CDC14A: variants seen among roughly 807,000 people sequenced by gnomAD.
The protein encoded by CDC14A is dual specificity protein phosphatase CDC14A.
Under a neutral mutation model 74.4 loss-of-function variants are expected in CDC14A, and 53 were observed. The ratio of observed to expected loss-of-function variants is 0.71; its 90% CI spans 0.57 to 0.89. CDC14A has a LOEUF of 0.89. CDC14A is among the 40% of genes least tolerant of loss of function. The pLI, the probability that CDC14A is intolerant of heterozygous loss-of-function variation, is 0.00. For missense variants in CDC14A, 646 were observed against 713.7 expected (o/e 0.91, Z 1.08); for synonymous variants, 247 against 258.4 (o/e 0.96, Z 0.43).
chr1:100,457,770 T>A (rs559651817), intron 8 of CDC14A, among the ~76,000 whole-genome samples: 1 of 152,160 alleles, frequency 6.6e-6, no homozygotes, highest in Admixed American at 6.5e-5. Flanking sequence ...GCCTGTTAAT[T>A]TATTTTTGGA....
At chr1:100,469,040 G>T (rs1226142461) in intron 10 of CDC14A, among the ~76,000 whole-genome samples, 1 of 152,084 alleles carries the variant, frequency 6.6e-6, no homozygotes. Context: ...GATTACGGGT[G>T]TGAGCCACTA....
intron 4 of CDC14A, among the ~76,000 whole-genome samples, chr1:100,409,274 G>A (rs766845090): frequency 4.7e-4 from 72 of 152,192 alleles, no homozygotes; most frequent in Non-Finnish European, 7.1e-4. Flanking sequence ...ACCTCCCATC[G>A]GGTCCCTCCC....
At chr1:100,448,857 C>T (rs946177553) in intron 7 of CDC14A, among the ~76,000 whole-genome samples, 1 of 152,088 alleles carries the variant, frequency 6.6e-6, no homozygotes, top group African/African-American at 2.4e-5. Context: ...AGGAGGCTAC[C>T]AGTAATATCA....
At chr1:100,383,279 CA>C (rs1264919984) in intron 3 of CDC14A, among the ~76,000 whole-genome samples, 1 of 152,182 alleles carries the variant, frequency 6.6e-6, no homozygotes, top group Non-Finnish European at 1.5e-5. Context: ...AAATCATCTT[CA>C]TGAGCAACTT....
chr1:100,360,262 T>C lies in CDC14A; in HGVS notation c.140+6410T>C, dbSNP rs1318159309. On this transcript the variant is annotated intron_variant, in intron 2 of 15. Transcript: ENST00000336454. ...CCACTGTGCCTAGCCTTTTTCACCT[T>C]CTGTTTTGAACACATGACAGCCAGT... is the stretch of plus-strand genomic sequence containing the variant. Among the ~76,000 whole-genome samples, 4 of 149,838 alleles carry C rather than the reference T, an allele frequency of 2.7e-5. No individual in the cohort carries two copies. The Admixed American group carries it at 2.7e-4, about 10-fold the overall frequency.
At chr1:100,492,221 A>G (rs1670778793) in intron 11 of CDC14A, among the ~76,000 whole-genome samples, 1 of 152,190 alleles carries the variant, frequency 6.6e-6, no homozygotes, top group Non-Finnish European at 1.5e-5. Flanking sequence ...GTTTAACTGT[A>G]TATCTTTTAA....
intron 2 of CDC14A, among the ~76,000 whole-genome samples, chr1:100,374,371 A>G (rs1023580798): frequency 8.5e-5 from 13 of 152,048 alleles, no homozygotes; most frequent in Admixed American, 3.3e-4. Context: ...GATCCCTGAG[A>G]AATCACCACA....
intron 1 of CDC14A, among the ~76,000 whole-genome samples, chr1:100,353,240 A>G (rs1350416613): frequency 2.0e-5 from 3 of 152,206 alleles, no homozygotes; most frequent in Non-Finnish European, 2.9e-5. Flanking sequence ...GTAATGGGAC[A>G]GCACCGGCTT....
At chr1:100,439,325 C>T (rs1664675627) in intron 5 of CDC14A, among the ~76,000 whole-genome samples, 1 of 152,042 alleles carries the variant, frequency 6.6e-6, no homozygotes, top group Non-Finnish European at 1.5e-5. Flanking sequence ...ATGAAAACAC[C>T]TGCTAGGTTC....
rs879040234 is a variant in CDC14A at position 100,352,516 on chromosome 1, G to A, written c.-439G>A. ...CGAAGGAGGATCCGGAGCAGCTGCT[G>A]CCAGCCCGCGGGCACTGAAGTCCTC... is the stretch of plus-strand genomic sequence containing the variant. On this transcript the variant is annotated 5_prime_UTR_variant, in exon 1 of 16. Transcript: ENST00000336454. The A allele has an allele frequency of 3.9e-6, 4 of 1,031,962 alleles. No homozygotes were observed. Among genetic ancestry groups the A allele is most frequent in the African/African-American group, 3.5e-5 (2 of 57,624 alleles). The allele number at this position is 1,031,962 out of a possible 1,614,324, so 63.9% of individuals were successfully genotyped here. A position where few individuals can be genotyped will look rare whatever the true frequency, so the allele number is the denominator to read the frequency against.
intron 2 of CDC14A, among the ~76,000 whole-genome samples, chr1:100,354,067 G>C (rs1184319691): frequency 6.6e-6 from 1 of 152,138 alleles, no homozygotes; most frequent in African/African-American, 2.4e-5. Context: ...ACATCTATCT[G>C]TTTTAGTTCT....
chr1:100,480,216 GTTCCAGA>G (rs1669310763), intron 10 of CDC14A, among the ~76,000 whole-genome samples: 2 of 152,076 alleles, frequency 1.3e-5, no homozygotes, highest in Admixed American at 1.3e-4. Flanking sequence ...GAATTTGCCT[GTTCCAGA>G]TTCCTCATAT....
chr1:100,450,707 C>T (rs968188195), intron 7 of CDC14A, among the ~76,000 whole-genome samples: 7 of 152,184 alleles, frequency 4.6e-5, no homozygotes, highest in South Asian at 4.1e-4. Flanking sequence ...TCAAAGCTCA[C>T]GTTGGTTAAG....
intron 9 of CDC14A, 47 bp downstream of exon 9, chr1:100,462,928 G>A (rs755875531): frequency 3.6e-5 from 51 of 1,435,328 alleles, no homozygotes; most frequent in South Asian, 1.2e-4. Flanking sequence ...TCGAAGGGGC[G>A]GGCCAAGGAA....
chr1:100,408,768 T>A (rs1021401997), intron 4 of CDC14A, among the ~76,000 whole-genome samples: 1 of 152,190 alleles, frequency 6.6e-6, no homozygotes, highest in African/African-American at 2.4e-5. Context: ...GAGGTTTTGC[T>A]ACATGTGATA....
chr1:100,430,973 G>A lies in CDC14A; in HGVS notation c.389+6672G>A, dbSNP rs924669191. Reference sequence around the variant, plus strand: ...CTTGGTATAATGGAAGCTAATTCGCGTTAGTTTTGACTAGTGGGGATGTGC... The same window carrying A: ...CTTGGTATAATGGAAGCTAATTCGCATTAGTTTTGACTAGTGGGGATGTGC... On this transcript the variant is annotated intron_variant, in intron 5 of 15. Transcript: ENST00000336454. 7.9e-5 allele frequency among the ~76,000 whole-genome samples: 12 copies of A among 152,144 alleles called. 1 individual carries two copies. Among genetic ancestry groups the A allele is most frequent in the South Asian group, 2.1e-4 (1 of 4,828 alleles).
rs200731398 is a variant in CDC14A, at chr1:100,462,854, G to A, written c.811G>A (p.Glu271Lys). The A allele has an allele frequency of 5.8e-5, 93 of 1,613,786 alleles. No individual in the cohort carries two copies. Among genetic ancestry groups the A allele is most frequent in the Admixed American group, 8.3e-5 (5 of 59,978 alleles). The change falls in exon 9 of 16, where the codon GAA becomes AAA. Residue 271 changes from glutamate to lysine, a missense_variant. By Grantham distance (56) the Glu-to-Lys change is moderately conservative. Transcript: ENST00000336454. ...RRFLNICENT[E>K]GAIAVHCKAG... is the part of the protein sequence containing the mutation. ...GTTCCTGAACATCTGTGAGAACACCGAAGGGGCCATCGCCGTTCACTGCAA... is the reference window on the plus strand; with the variant it reads ...GTTCCTGAACATCTGTGAGAACACCAAAGGGGCCATCGCCGTTCACTGCAA...
In CDC14A at chr1:100,374,567, C is replaced by T. The variant is rs549946113; in HGVS notation, c.141-2979C>T. ...TTCTCTGATGCATCTCTGTGTTCTT[C>T]TCATGAAGCCTGTGTAAAGGGACAG... On this transcript the variant is annotated intron_variant, in intron 2 of 15. Transcript: ENST00000336454. 7.9e-5 allele frequency among the ~76,000 whole-genome samples: 12 copies of T among 152,238 alleles called. No individual in the cohort carries two copies. The South Asian group carries it at 2.3e-3, about 29-fold the overall frequency.
chr1:100,515,477 G>A (rs150162961), intron 15 of CDC14A, among the ~76,000 whole-genome samples: 227 of 150,932 alleles, frequency 1.5e-3, no homozygotes, highest in African/African-American at 5.0e-3. Context: ...TCCGCCTCCC[G>A]GGTTCAAGTG....
Sources: gnomAD v4.1 joint callset for allele counts (sites outside exome capture counted in the v4.1 genomes callset) on GRCh38, gnomAD v4.1.1 for gene constraint, MANE v1.5 for transcripts, NCBI Gene and HGNC (gene_info 2026-07-23, HGNC 2026-07-21) for gene names.